The following GOLGA3 variants were observed in gnomAD, a reference collection of about 807,000 sequenced individuals.
The protein encoded by GOLGA3 is golgin subfamily A member 3.
Under a neutral mutation model 169.4 loss-of-function variants are expected in GOLGA3, and 75 were observed. The ratio of observed to expected loss-of-function variants is 0.44; its 90% CI spans 0.37 to 0.54. The LOEUF (loss-of-function observed/expected upper bound fraction) is 0.54, where lower values mean the gene tolerates loss of function less well. Ranked by LOEUF, GOLGA3 falls within the 20% of genes least tolerant of loss-of-function variation. The pLI is 0.00. For synonymous variants in GOLGA3, 824 were observed against 822.4 expected (o/e 1.00, Z -0.03); for missense variants, 1,899 against 1,930.0 (o/e 0.98, Z 0.30).
intron 12 of GOLGA3, among the ~76,000 whole-genome samples, chr12:132,790,206 T>C (rs1259640492): frequency 2.0e-5 from 3 of 152,068 alleles, no homozygotes; most frequent in Admixed American, 6.5e-5. Context: ...TGGTGGCCGG[T>C]GCCTGTAGTC....
At position 132,780,856 on chromosome 12, in the gene GOLGA3, T is replaced by C; in HGVS notation, c.3524A>G (p.Gln1175Arg). 1 of 1,612,556 alleles carries C rather than the reference T, an allele frequency of 6.2e-7. No individual in the cohort carries two copies. The highest frequency in any genetic ancestry group is 8.5e-7 in the Non-Finnish European group (1 of 1,180,022). The change falls in exon 18 of 24, where the codon CAG becomes CGG. Residue 1175 changes from glutamine to arginine, a missense_variant. Gln to Arg is a conservative substitution (Grantham distance 43). Coordinates refer to ENST00000450791, the MANE Select transcript of GOLGA3 (RefSeq NM_001389683.1). The part of the protein sequence containing the change: ...EEDRQMKHLV[Q>R]ALQASLEKEK... ...CTTCTCTAGTGAGGCCTGCAGGGCCTGGACAAGATGCTTCATCTGGCGATC... is the reference window on the plus strand; with the variant it reads ...CTTCTCTAGTGAGGCCTGCAGGGCCCGGACAAGATGCTTCATCTGGCGATC...
chr12:132,824,659 G>A (rs74568791), intron 1 of GOLGA3, among the ~76,000 whole-genome samples: 1 of 152,160 alleles, frequency 6.6e-6, no homozygotes, highest in Non-Finnish European at 1.5e-5. Context: ...AATCCTGTGT[G>A]CAACGAATTC....
intron 4 of GOLGA3, among the ~76,000 whole-genome samples, chr12:132,810,651 G>A (rs914301084): frequency 3.3e-5 from 5 of 151,754 alleles, no homozygotes; most frequent in African/African-American, 1.2e-4. Context: ...AGGGCCACCA[G>A]AGGGCTCCTG....
At chr12:132,779,845 C>A (rs2045466891) in intron 18 of GOLGA3, among the ~76,000 whole-genome samples, 1 of 105,694 alleles carries the variant, frequency 9.5e-6, no homozygotes, top group Admixed American at 1.0e-4. Context: ...GCACGGACAC[C>A]CCCCCGCGCA....
intron 17 of GOLGA3, among the ~76,000 whole-genome samples, 173 bp from the exon 18 acceptor site, chr12:132,781,087 A>G (rs2045578449): frequency 6.6e-6 from 1 of 152,234 alleles, no homozygotes; most frequent in Admixed American, 6.5e-5. Flanking sequence ...TTGCGGGAGC[A>G]TGATCACAGG....
intron 16 of GOLGA3, among the ~76,000 whole-genome samples, chr12:132,782,887 A>AG: frequency 6.6e-6 from 1 of 151,924 alleles, no homozygotes; most frequent in East Asian, 2.0e-4. Flanking sequence ...AAAAAAAAAA[A>AG]AAAAAGAAAA....
intron 4 of GOLGA3, among the ~76,000 whole-genome samples, chr12:132,810,853 A>C (rs1428624016): frequency 1.3e-5 from 2 of 152,274 alleles, no homozygotes; most frequent in African/African-American, 4.8e-5. Flanking sequence ...CTAACCATCA[A>C]CCTGTGATGC....
intron 4 of GOLGA3, among the ~76,000 whole-genome samples, chr12:132,808,982 G>A (rs559013504): frequency 2.6e-5 from 4 of 152,328 alleles, no homozygotes; most frequent in East Asian, 1.9e-4. Context: ...ACCAATGCGC[G>A]GAGACCGGTA....
At chr12:132,781,055 G>A (rs1018049038) in intron 17 of GOLGA3, 141 bp from the exon 18 acceptor site, 2 of 650,888 alleles carry the variant, frequency 3.1e-6, no homozygotes, top group African/African-American at 2.0e-5. Flanking sequence ...TGAAGAATCT[G>A]TGACAAAAAC....
chr12:132,792,030 G>A (rs1163042042), intron 11 of GOLGA3, among the ~76,000 whole-genome samples: 1 of 151,184 alleles, frequency 6.6e-6, no homozygotes, highest in Non-Finnish European at 1.5e-5. Context: ...TTACACTGAG[G>A]GCTACAGCAG....
At chr12:132,821,165 G>A (rs1364185183) in intron 2 of GOLGA3, among the ~76,000 whole-genome samples, 1 of 148,282 alleles carries the variant, frequency 6.7e-6, no homozygotes, top group Non-Finnish European at 1.5e-5. Context: ...TCAGCACTTT[G>A]GGATGCCAAG....
In GOLGA3 at chr12:132,774,149, G is replaced by T; in HGVS notation, c.4307+8C>A. 6.3e-7 allele frequency: 1 copy of T among 1,582,214 alleles called. No individual in the cohort carries two copies. The highest frequency in any genetic ancestry group is 8.6e-7 in the Non-Finnish European group (1 of 1,163,598). ...CTAGCTGAAGTGCAGCACGGAATAC[G>T]GTCGTACTTGAGCTGCTGGAGGCAG... On this transcript the variant is annotated splice_region_variant and intron_variant, in intron 23 of 23. Transcript: ENST00000450791.
rs1440968380 is a variant in GOLGA3, at chr12:132,816,823, A to G, written c.134-11T>C. Reference sequence around the variant, plus strand: ...TGTTTACCTCGGCACCTGGAAAGACAGAGCACGCTGGACCACCATGGCTTT... The same window carrying G: ...TGTTTACCTCGGCACCTGGAAAGACGGAGCACGCTGGACCACCATGGCTTT... On this transcript the variant is annotated splice_polypyrimidine_tract_variant and intron_variant, in intron 2 of 23. Transcript: ENST00000450791. The G allele has an allele frequency of 6.3e-7, 1 of 1,578,146 alleles. No homozygotes were observed. Among genetic ancestry groups the G allele is most frequent in the South Asian group, 1.1e-5 (1 of 87,718 alleles).
chr12:132,781,113 G>A (rs188531758), intron 17 of GOLGA3, among the ~76,000 whole-genome samples, 199 bp from the exon 18 acceptor site: 24 of 152,346 alleles, frequency 1.6e-4, no homozygotes, highest in African/African-American at 1.7e-4. Context: ...ACTCAAGAAC[G>A]TGGCACGCCT....
chr12:132,828,586 T>C (rs1488212550), intron 1 of GOLGA3: 1 of 152,264 alleles, frequency 6.6e-6, no homozygotes, highest in African/African-American at 2.4e-5. Flanking sequence ...GCACCGGCAT[T>C]TACAGAGCCA....
rs545420971 is a variant in GOLGA3 at position 132,772,960 on chromosome 12, C to G, written c.*145G>C. ...GAATGTTTTTCTAGTCCTTGGCTCT[C>G]ATTCTGCTATATATTTTACTTCTTG... On this transcript the variant is annotated 3_prime_UTR_variant, in exon 24 of 24. Coordinates refer to ENST00000450791, the MANE Select transcript of GOLGA3 (RefSeq NM_001389683.1). 6.9e-6 allele frequency: 4 copies of G among 578,622 alleles called. No homozygotes were observed. The South Asian group carries it at 9.7e-5, about 14-fold the overall frequency. 35.8% of individuals were successfully genotyped at this position (578,622 alleles called of 1,614,324 possible).
intron 23 of GOLGA3, 145 bp from the exon 24 acceptor site, chr12:132,773,439 A>C: frequency 3.0e-5 from 13 of 433,162 alleles, no homozygotes; most frequent in South Asian, 1.7e-4. Flanking sequence ...ACAGAAGCTC[A>C]GCTGTTCTCA....
At chr12:132,774,654 G>T (rs6560903) in intron 22 of GOLGA3, 368,447 of 394,486 alleles carry the variant, frequency 0.93, 172,959 homozygotes, top group South Asian at 0.97. Flanking sequence ...TGGAATTTCC[G>T]TAAGAAATTA....
chr12:132,807,835 CT>C (rs2136607639), intron 5 of GOLGA3, 55 bp downstream of exon 5: 1 of 590,488 alleles, frequency 1.7e-6, no homozygotes, highest in Admixed American at 4.2e-5. Context: ...CCACACCCCC[CT>C]CTGTTGGCCC....
Sources: gnomAD v4.1 joint callset for allele counts (sites outside exome capture counted in the v4.1 genomes callset) on GRCh38, gnomAD v4.1.1 for gene constraint, MANE v1.5 for transcripts, NCBI Gene and HGNC (gene_info 2026-07-23, HGNC 2026-07-21) for gene names.